DACH1: variants seen among roughly 807,000 people sequenced by gnomAD.
DACH1 encodes dachshund family transcription factor 1.
In DACH1, 12 loss-of-function variants were observed where a neutral mutation model predicts 54.2. The observed-to-expected ratio is 0.22, with a 90% CI of 0.14 to 0.36. DACH1 has a LOEUF of 0.36. DACH1 is among the 10% of genes least tolerant of loss of function. The pLI is 1.00. For missense variants in DACH1, 805 were observed against 929.8 expected (o/e 0.87, Z 1.75); for synonymous variants, 386 against 366.2 (o/e 1.05, Z -0.62).
intron 3 of DACH1, among the ~76,000 whole-genome samples, chr13:71,594,997 A>G (rs532840560): frequency 6.6e-6 from 1 of 152,258 alleles, no homozygotes; most frequent in Non-Finnish European, 1.5e-5. Flanking sequence ...AAAACAGGGA[A>G]GGAGGATAGG....
At chr13:71,646,976 A>C (rs1456232896) in intron 2 of DACH1, among the ~76,000 whole-genome samples, 1 of 152,230 alleles carries the variant, frequency 6.6e-6, no homozygotes. Flanking sequence ...AAATGGATGA[A>C]TAGAGAAAAG....
At chr13:71,804,505 T>C (rs1012901617) in intron 1 of DACH1, among the ~76,000 whole-genome samples, 6 of 152,192 alleles carry the variant, frequency 3.9e-5, no homozygotes, top group South Asian at 2.1e-4. Context: ...GATTCTCTTA[T>C]GTCCACTAAA....
intron 1 of DACH1, among the ~76,000 whole-genome samples, chr13:71,716,438 C>A (rs1422705077): frequency 6.6e-6 from 1 of 152,070 alleles, no homozygotes; most frequent in Non-Finnish European, 1.5e-5. Context: ...AACTTTCCTA[C>A]CCTCACTCTG....
intron 10 of DACH1, among the ~76,000 whole-genome samples, chr13:71,442,915 C>T (rs185584261): frequency 4.6e-5 from 7 of 151,242 alleles, no homozygotes; most frequent in Admixed American, 1.3e-4. Flanking sequence ...ACTGAGACTA[C>T]GGGAAGATAA....
At chr13:71,846,688 T>C (rs1169263821) in intron 1 of DACH1, among the ~76,000 whole-genome samples, 1 of 152,164 alleles carries the variant, frequency 6.6e-6, no homozygotes, top group Non-Finnish European at 1.5e-5. Flanking sequence ...TAGGACAATA[T>C]AATAGGAAAT....
intron 1 of DACH1, among the ~76,000 whole-genome samples, chr13:71,696,923 C>T (rs1031033385): frequency 1.3e-5 from 2 of 152,140 alleles, no homozygotes; most frequent in African/African-American, 4.8e-5. Context: ...CGTATTATCT[C>T]TAAAAAGAAT....
chr13:71,659,670 C>A lies in DACH1; in HGVS notation c.964+22125G>T, dbSNP rs184608196. On this transcript the variant is annotated intron_variant, in intron 2 of 10. Coordinates refer to ENST00000613252, the MANE Select transcript of DACH1 (RefSeq NM_080759.6). Reference sequence around the variant, plus strand: ...TTACATAACCACAGAGCTGACATTCCTTTTAGGCTCCTCTGTTGGGGATTT... The same window carrying A: ...TTACATAACCACAGAGCTGACATTCATTTTAGGCTCCTCTGTTGGGGATTT... Among the ~76,000 whole-genome samples, 23 of 152,234 alleles carry A rather than the reference C, an allele frequency of 1.5e-4. No homozygotes were observed. In the South Asian group the frequency reaches 4.8e-3, roughly 32 times the overall value.
chr13:71,803,215 T>A (rs1207211462), intron 1 of DACH1, among the ~76,000 whole-genome samples: 1 of 152,152 alleles, frequency 6.6e-6, no homozygotes, highest in East Asian at 1.9e-4. Context: ...TTTGCATGAT[T>A]TCTGATATGC....
chr13:71,500,561 C>T (rs193201945), intron 6 of DACH1, among the ~76,000 whole-genome samples: 7 of 152,182 alleles, frequency 4.6e-5, no homozygotes, highest in Admixed American at 4.6e-4. Context: ...ATGTAAGAGG[C>T]CTTTGGAAAT....
intron 1 of DACH1, among the ~76,000 whole-genome samples, chr13:71,706,644 A>G (rs1378687926): frequency 6.6e-6 from 1 of 152,192 alleles, no homozygotes; most frequent in Non-Finnish European, 1.5e-5. Context: ...AAATTCTTTC[A>G]GAATAATTCT....
At chr13:71,474,555 C>T (rs1191442811) in intron 10 of DACH1, among the ~76,000 whole-genome samples, 2 of 152,092 alleles carry the variant, frequency 1.3e-5, no homozygotes, top group African/African-American at 2.4e-5. Context: ...ACATATTTAG[C>T]TCTTCTGAGC....
intron 6 of DACH1, among the ~76,000 whole-genome samples, chr13:71,545,772 T>C (rs908517684): frequency 1.3e-5 from 2 of 152,100 alleles, no homozygotes; most frequent in Non-Finnish European, 2.9e-5. Context: ...TTGAAATATA[T>C]AGCCATCATG....
At chr13:71,683,344 C>A (rs754200127) in intron 1 of DACH1, among the ~76,000 whole-genome samples, 2 of 151,940 alleles carry the variant, frequency 1.3e-5, no homozygotes, top group African/African-American at 2.4e-5. Flanking sequence ...AGGAAGAAGG[C>A]AGCGGGAACA....
chr13:71,780,005 G>T (rs9592808), intron 1 of DACH1, among the ~76,000 whole-genome samples: 42,391 of 149,804 alleles, frequency 0.28, 6,480 homozygotes, highest in African/African-American at 0.4. Context: ...TATGAAGGAA[G>T]GAATGAATGA....
chr13:71,489,869 AAATCCC>A, intron 6 of DACH1, among the ~76,000 whole-genome samples: 1 of 152,268 alleles, frequency 6.6e-6, no homozygotes, highest in South Asian at 2.1e-4. Flanking sequence ...TCAAATTTAA[AAATCCC>A]TTCAAAATAA....
intron 10 of DACH1, among the ~76,000 whole-genome samples, chr13:71,457,866 G>A (rs911259295): frequency 6.6e-6 from 1 of 151,890 alleles, no homozygotes; most frequent in East Asian, 1.9e-4. Context: ...ATCTCCTGAG[G>A]TGCTTACTCT....
intron 7 of DACH1, among the ~76,000 whole-genome samples, chr13:71,485,894 T>C (rs1878463106): frequency 6.6e-6 from 1 of 151,938 alleles, no homozygotes; most frequent in Non-Finnish European, 1.5e-5. Context: ...TTTTAATTTC[T>C]ATAACACTTA....
intron 1 of DACH1, among the ~76,000 whole-genome samples, chr13:71,722,767 T>C (rs1307166256): frequency 6.6e-6 from 1 of 152,136 alleles, no homozygotes; most frequent in African/African-American, 2.4e-5. Flanking sequence ...CAGTTTTTAC[T>C]TGTATGAACT....
chr13:71,696,032 G>A (rs764262667), intron 1 of DACH1, among the ~76,000 whole-genome samples: 6 of 152,128 alleles, frequency 3.9e-5, no homozygotes, highest in Non-Finnish European at 4.4e-5. Context: ...TAATTTAGCT[G>A]TAATTATCAA....
Sources: allele counts gnomAD v4.1 joint callset (sites outside exome capture counted in the v4.1 genomes callset), GRCh38; gene constraint gnomAD v4.1.1; transcripts MANE v1.5; gene names NCBI Gene and HGNC (gene_info 2026-07-23, HGNC 2026-07-21).